Variants in CDH13 observed in about 807,000 individuals in gnomAD.
CDH13 encodes the protein cadherin-13.
CDH13 carries 24 observed loss-of-function variants against 63.8 expected under a neutral mutation model. The observed-to-expected ratio is 0.38, with a 90% CI of 0.27 to 0.53. The LOEUF is 0.53. CDH13 is among the 20% of genes least tolerant of loss of function. The pLI, the probability that CDH13 is intolerant of heterozygous loss-of-function variation, is 0.85. For missense variants in CDH13, 1,049 were observed against 903.1 expected (o/e 1.16, Z -2.07); for synonymous variants, 503 against 355.3 (o/e 1.42, Z -4.67).
intron 2 of CDH13, among the ~76,000 whole-genome samples, chr16:82,941,208 T>G (rs1400328758): frequency 1.3e-5 from 2 of 152,326 alleles, no homozygotes; most frequent in African/African-American, 4.8e-5. Context: ...CATTGAATAT[T>G]TTGGGGCTCC....
intron 10 of CDH13, among the ~76,000 whole-genome samples, chr16:83,700,682 C>G (rs1316222920): frequency 3.9e-5 from 6 of 152,172 alleles, no homozygotes; most frequent in Non-Finnish European, 8.8e-5. Context: ...GCAATGCATG[C>G]TCGTCACAAA....
chr16:83,323,463 T>C lies in CDH13; in HGVS notation c.637-21399T>C, dbSNP rs528558188. On this transcript the variant is annotated intron_variant, in intron 5 of 13. Transcript: ENST00000567109. Reference sequence around the variant, plus strand: ...ATCCGGCTAATTTTTGTATTTTTAGTATAAATACGGTTTCACCATGTTTGC... The same window carrying C: ...ATCCGGCTAATTTTTGTATTTTTAGCATAAATACGGTTTCACCATGTTTGC... 7.0e-5 allele frequency among the ~76,000 whole-genome samples: 10 copies of C among 143,712 alleles called. No homozygotes were observed. In the East Asian group the frequency reaches 1.4e-3, roughly 20 times the overall value. The allele number at this position is 143,712 out of a possible 152,430, so 94.3% of individuals were successfully genotyped here.
chr16:83,331,595 C>A (rs935843147), intron 5 of CDH13, among the ~76,000 whole-genome samples: 3 of 152,158 alleles, frequency 2.0e-5, no homozygotes, highest in South Asian at 4.1e-4. Context: ...GAAATTAACA[C>A]ATGCCTAGAA....
chr16:82,903,671 C>T (rs757667506), intron 2 of CDH13, among the ~76,000 whole-genome samples: 16 of 152,150 alleles, frequency 1.1e-4, no homozygotes, highest in Non-Finnish European at 2.2e-4. Context: ...CAGACCCTAA[C>T]GGGTTTTTTC....
chr16:83,546,991 G>A (rs1203923619), intron 7 of CDH13, among the ~76,000 whole-genome samples: 5 of 152,158 alleles, frequency 3.3e-5, no homozygotes, highest in African/African-American at 1.2e-4. Context: ...GAACAGCCTG[G>A]CTTCAACTTC....
chr16:83,266,176 G>A (rs1004485862), intron 5 of CDH13, among the ~76,000 whole-genome samples: 1 of 152,046 alleles, frequency 6.6e-6, no homozygotes, highest in South Asian at 2.1e-4. Context: ...GACCTCAAGT[G>A]ATCAACCCAC....
At chr16:82,811,073 C>G (rs2037417880) in intron 1 of CDH13, among the ~76,000 whole-genome samples, 1 of 152,008 alleles carries the variant, frequency 6.6e-6, no homozygotes, top group African/African-American at 2.4e-5. Context: ...TATGCTATAC[C>G]ATATTTATAC....
Position 83,670,227 on chromosome 16 carries a change from C to G in CDH13, c.1102-563C>G, listed in dbSNP as rs115749628. Among the ~76,000 whole-genome samples, 107 of 152,322 alleles carry G rather than the reference C, an allele frequency of 7.0e-4. 1 individual carries two copies. Among genetic ancestry groups the G allele is most frequent in the Middle Eastern group, 3.4e-3 (1 of 294 alleles). ...AGAGGATCTGGGGTCAAATCCCAGT[C>G]TCTCCACTTACAAGTCTTAACGCTT... On this transcript the variant is annotated intron_variant, in intron 8 of 13. Transcript: ENST00000567109.
intron 1 of CDH13, among the ~76,000 whole-genome samples, chr16:82,695,280 A>T (rs565434371): frequency 6.6e-6 from 1 of 152,166 alleles, no homozygotes; most frequent in African/African-American, 2.4e-5. Context: ...TGGTGTTTGG[A>T]TCTTTCTGAA....
intron 1 of CDH13, among the ~76,000 whole-genome samples, chr16:82,674,515 G>A (rs939534369): frequency 1.3e-5 from 2 of 152,178 alleles, no homozygotes; most frequent in Non-Finnish European, 2.9e-5. Flanking sequence ...CCACAGCAGG[G>A]GCAAGTGCCT....
At chr16:83,498,381 A>G (rs759604597) in intron 7 of CDH13, among the ~76,000 whole-genome samples, 1 of 152,212 alleles carries the variant, frequency 6.6e-6, no homozygotes, top group Non-Finnish European at 1.5e-5. Flanking sequence ...AGCCACCTGG[A>G]AACAAAAAGA....
chr16:82,907,118 A>G (rs961458507), intron 2 of CDH13, among the ~76,000 whole-genome samples: 2 of 152,302 alleles, frequency 1.3e-5, no homozygotes, highest in South Asian at 2.1e-4. Context: ...GGCCTACTCC[A>G]TAAGTTATTT....
chr16:83,106,796 A>G (rs2034787249), intron 3 of CDH13, among the ~76,000 whole-genome samples: 1 of 152,206 alleles, frequency 6.6e-6, no homozygotes, highest in Non-Finnish European at 1.5e-5. Context: ...CTAAAATGCT[A>G]TTCTGTTTGT....
intron 1 of CDH13, among the ~76,000 whole-genome samples, chr16:82,713,082 G>C (rs541754526): frequency 4.6e-5 from 7 of 151,702 alleles, no homozygotes; most frequent in African/African-American, 1.7e-4. Flanking sequence ...TGTGTTTAGG[G>C]AAGGCAAAGG....
chr16:83,492,935 T>G (rs2074048381), intron 7 of CDH13, among the ~76,000 whole-genome samples: 1 of 152,228 alleles, frequency 6.6e-6, no homozygotes, highest in Non-Finnish European at 1.5e-5. Context: ...GCTAGTCTCT[T>G]AGTATGACCG....
At chr16:82,901,383 C>T (rs2041465071) in intron 2 of CDH13, among the ~76,000 whole-genome samples, 1 of 141,440 alleles carries the variant, frequency 7.1e-6, no homozygotes, top group Non-Finnish European at 1.5e-5. Context: ...GATTGGGGTT[C>T]TTGGATACTT....
At chr16:83,100,086 T>C (rs1172186623) in intron 3 of CDH13, among the ~76,000 whole-genome samples, 1 of 152,136 alleles carries the variant, frequency 6.6e-6, no homozygotes, top group Non-Finnish European at 1.5e-5. Flanking sequence ...ACTTTTCAAC[T>C]AGATTAACTC....
chr16:83,434,845 A>ATGTG (rs1345655696), intron 6 of CDH13, among the ~76,000 whole-genome samples: 10 of 80,768 alleles, frequency 1.2e-4, no homozygotes, highest in South Asian at 1.1e-3. Flanking sequence ...AAATATATAT[A>ATGTG]TATGTGTGTG....
intron 2 of CDH13, among the ~76,000 whole-genome samples, chr16:82,891,375 G>A (rs115213589): frequency 7.2e-5 from 11 of 152,196 alleles, no homozygotes; most frequent in African/African-American, 2.4e-4. Context: ...TTCTGTTCTG[G>A]AGTTGGGCAT....
Sources: gnomAD v4.1 joint callset for allele counts (sites outside exome capture counted in the v4.1 genomes callset) on GRCh38, gnomAD v4.1.1 for gene constraint, MANE v1.5 for transcripts, NCBI Gene and HGNC (gene_info 2026-07-23, HGNC 2026-07-21) for gene names.